Variants in NEXMIF observed in about 807,000 individuals in gnomAD.
NEXMIF encodes XLMR protein related to neurite extension.
In NEXMIF, 8 loss-of-function variants were observed where a neutral mutation model predicts 62.1. That is an observed-to-expected ratio of 0.13 (90% confidence interval 0.08 to 0.23). The LOEUF (loss-of-function observed/expected upper bound fraction) is 0.23. Ranked by LOEUF, NEXMIF falls within the 10% of genes least tolerant of loss-of-function variation. The pLI, the probability that NEXMIF is intolerant of heterozygous loss-of-function variation, is 1.00. For synonymous variants in NEXMIF, 404 were observed against 416.6 expected, an observed-to-expected ratio of 0.97 and a Z score of 0.37; for missense variants, 976 against 1,113.3, an observed-to-expected ratio of 0.88 and a Z score of 1.75.
At chrX:74,849,769 C>T (rs1364630332) in intron 1 of NEXMIF, among the ~76,000 whole-genome samples, 1 of 112,548 alleles carries the variant, frequency 8.9e-6, no homozygotes, top group Non-Finnish European at 1.9e-5. Context: ...TCTGCAGTCA[C>T]TGCCACTGCT....
intron 1 of NEXMIF, among the ~76,000 whole-genome samples, chrX:74,823,697 C>CAGAT (rs60606226): frequency 0.14 from 13,790 of 101,613 alleles, 1,158 homozygotes; most frequent in African/African-American, 0.27. Context: ...CAGAGAAAGA[C>CAGAT]AGATAGATAG....
At chrX:74,894,840 C>T in intron 1 of NEXMIF, among the ~76,000 whole-genome samples, 1 of 112,137 alleles carries the variant, frequency 8.9e-6, no homozygotes, top group East Asian at 2.8e-4. Context: ...ATAATAAAAG[C>T]CATCTATGAC....
At chrX:74,852,088 A>G (rs1335040679) in intron 1 of NEXMIF, among the ~76,000 whole-genome samples, 1 of 111,613 alleles carries the variant, frequency 9.0e-6, no homozygotes, top group African/African-American at 3.3e-5. Flanking sequence ...ACCTGTAAAG[A>G]CACATATAGA....
chrX:74,864,225 C>T (rs2080568930), intron 1 of NEXMIF, among the ~76,000 whole-genome samples: 1 of 111,894 alleles, frequency 8.9e-6, no homozygotes, highest in African/African-American at 3.2e-5. Context: ...GAAGTTCTGG[C>T]CAGGGCAATC....
chrX:74,831,570 A>C (rs961652281), intron 1 of NEXMIF, among the ~76,000 whole-genome samples: 6 of 109,674 alleles, frequency 5.5e-5, no homozygotes, highest in East Asian at 2.9e-4. Flanking sequence ...ATATGTGCCA[A>C]ATTTTCTTAA....
intron 1 of NEXMIF, among the ~76,000 whole-genome samples, chrX:74,818,697 T>C: frequency 8.9e-6 from 1 of 111,980 alleles, no homozygotes. Flanking sequence ...GATAAAATAT[T>C]TGCAAACTAT....
At chrX:74,883,066 C>G (rs187504932) in intron 1 of NEXMIF, among the ~76,000 whole-genome samples, 18 of 112,036 alleles carry the variant, frequency 1.6e-4, no homozygotes, top group Non-Finnish European at 3.2e-4. Flanking sequence ...CAAACTCCAA[C>G]AGACCTGCAG....
intron 1 of NEXMIF, among the ~76,000 whole-genome samples, chrX:74,904,283 CTTATTG>C (rs2080759136): frequency 9.0e-6 from 1 of 111,559 alleles, no homozygotes; most frequent in Admixed American, 9.5e-5. Context: ...CTACCTAGAT[CTTATTG>C]TTATTGTTGT....
rs2080226713 is a variant in NEXMIF at position 74,775,679 on chromosome X, AC to A, written c.-47-29983del. 2.7e-5 allele frequency among the ~76,000 whole-genome samples: 3 copies of A among 111,667 alleles called. No individual in the cohort carries two copies. The South Asian group carries it at 1.2e-3, about 43-fold the overall frequency. ...ATGACAAAGTTTGCTGCTACTTCTT[AC>A]CCCTAATCTCACCCAAGTGGACTAG... On this transcript the variant is annotated intron_variant, in intron 1 of 3. Coordinates refer to ENST00000055682, the MANE Select transcript of NEXMIF (RefSeq NM_001008537.3).
At chrX:74,762,487 G>T (rs2080179851) in intron 1 of NEXMIF, among the ~76,000 whole-genome samples, 1 of 111,471 alleles carries the variant, frequency 9.0e-6, no homozygotes, top group Non-Finnish European at 1.9e-5. Flanking sequence ...CCAGTTATGG[G>T]ATCGCTGGGT....
intron 1 of NEXMIF, among the ~76,000 whole-genome samples, chrX:74,876,788 G>A (rs1238691658): frequency 9.7e-6 from 1 of 102,582 alleles, no homozygotes; most frequent in Non-Finnish European, 2.0e-5. Context: ...TTTAAAGTCT[G>A]TTTTATCAGA....
intron 1 of NEXMIF, among the ~76,000 whole-genome samples, chrX:74,871,102 T>G (rs899334133): frequency 8.9e-6 from 1 of 111,791 alleles, no homozygotes; most frequent in East Asian, 2.8e-4. Context: ...ATACAGAAAA[T>G]GTATCGGGGG....
intron 1 of NEXMIF, among the ~76,000 whole-genome samples, chrX:74,821,217 TTCTC>T (rs2080394433): frequency 9.0e-6 from 1 of 110,808 alleles, no homozygotes; most frequent in East Asian, 2.8e-4. Flanking sequence ...ATTATCTTCT[TTCTC>T]TCTCTCACCC....
chrX:74,796,163 T>TATATATATTATATATAC (rs2080307326), intron 1 of NEXMIF, among the ~76,000 whole-genome samples: 2 of 40,875 alleles, frequency 4.9e-5, no homozygotes, highest in African/African-American at 1.3e-4. Context: ...ACATATATAT[T>TATATATATTATATATAC]ATATATATTA....
chrX:74,848,793 T>C (rs758165108), intron 1 of NEXMIF, among the ~76,000 whole-genome samples: 6 of 111,283 alleles, frequency 5.4e-5, no homozygotes, highest in Non-Finnish European at 7.5e-5. Flanking sequence ...GGGAGGTGAT[T>C]AGGACATGAG....
chrX:74,875,592 T>C (rs1397535141), intron 1 of NEXMIF, among the ~76,000 whole-genome samples: 4 of 112,020 alleles, frequency 3.6e-5, no homozygotes, highest in African/African-American at 1.3e-4. Context: ...CTTGTACCTC[T>C]GGTAGAGTTC....
chrX:74,913,185 A>G (rs1384823658), intron 1 of NEXMIF, among the ~76,000 whole-genome samples: 2 of 112,428 alleles, frequency 1.8e-5, no homozygotes, highest in Admixed American at 9.5e-5. Flanking sequence ...CATCACAAAA[A>G]TGTTTCAATA....
At chrX:74,810,735 T>C (rs1302825062) in intron 1 of NEXMIF, among the ~76,000 whole-genome samples, 5 of 111,533 alleles carry the variant, frequency 4.5e-5, no homozygotes, top group Non-Finnish European at 9.4e-5. Context: ...CTCAGGTTTT[T>C]CTTGTGTACA....
At chrX:74,844,056 A>T (rs2080483316) in intron 1 of NEXMIF, among the ~76,000 whole-genome samples, 2 of 111,970 alleles carry the variant, frequency 1.8e-5, no homozygotes, top group Admixed American at 1.9e-4. Flanking sequence ...GTTTAGCTGG[A>T]TATGAAATTC....
Sources: allele counts gnomAD v4.1 joint callset (sites outside exome capture counted in the v4.1 genomes callset), GRCh38; gene constraint gnomAD v4.1.1; transcripts MANE v1.5; gene names NCBI Gene and HGNC (gene_info 2026-07-23, HGNC 2026-07-21).